The following TIPARP variants were observed in gnomAD, a reference collection of about 807,000 sequenced individuals.
The protein encoded by TIPARP is TCDD inducible poly(ADP-ribose) polymerase, also known as protein mono-ADP-ribosyltransferase TIPARP.
TIPARP carries 12 observed loss-of-function variants against 56.5 expected under a neutral mutation model. The ratio of observed to expected loss-of-function variants is 0.21; its 90% CI spans 0.14 to 0.34. The LOEUF is 0.34. Among genes scored for constraint, TIPARP ranks in the 10% least tolerant of loss-of-function variants. The probability of loss-of-function intolerance (pLI) is 1.00; values close to 1 mark genes in which losing one functional copy is unlikely to be tolerated. For synonymous variants in TIPARP, 296 were observed against 265.7 expected (o/e 1.11, Z -1.11); for missense variants, 604 against 781.6 (o/e 0.77, Z 2.71).
At chr3:156,696,273 T>C (rs1722713156) in intron 4 of TIPARP, among the ~76,000 whole-genome samples, 1 of 152,112 alleles carries the variant, frequency 6.6e-6, no homozygotes, top group South Asian at 2.1e-4. Flanking sequence ...CACAACTAAA[T>C]ATAATTGTGT....
At chr3:156,691,527 A>G (rs532655217) in intron 2 of TIPARP, among the ~76,000 whole-genome samples, 9 of 152,260 alleles carry the variant, frequency 5.9e-5, no homozygotes. Context: ...GCCCACCATC[A>G]CGATTATCAT....
intron 1 of TIPARP, chr3:156,676,568 G>T (rs1445363356): frequency 6.6e-6 from 1 of 152,144 alleles, no homozygotes; most frequent in East Asian, 1.9e-4. Context: ...GCACTTTATT[G>T]GGCACCTAGG....
Position 156,677,912 on chromosome 3 carries a change from T to C in TIPARP, c.215T>C (p.Val72Ala), listed in dbSNP as rs373659607. 4 of 1,613,770 alleles carry C rather than the reference T, an allele frequency of 2.5e-6. No individual in the cohort carries two copies. Among genetic ancestry groups the C allele is most frequent in the Non-Finnish European group, 3.4e-6 (4 of 1,179,986 alleles). Residue 72 changes from valine (V) to alanine (A), a missense_variant, in exon 2 of 6, where the codon GTT (valine) becomes GCT (alanine). By Grantham distance (64) the Val-to-Ala change is moderately conservative. Transcript: ENST00000295924. ...TLLESGSLDGVFRSRNQSTDE... is the reference protein window; with the variant it reads ...TLLESGSLDGAFRSRNQSTDE... ...CTAGAATCTGGCTCACTTGATGGGG[T>C]TTTTAGATCTAGGAACCAGAGTACA... is the stretch of plus-strand genomic sequence containing the variant.
intron 2 of TIPARP, among the ~76,000 whole-genome samples, chr3:156,680,091 A>G (rs1250330982): frequency 6.6e-6 from 1 of 152,166 alleles, no homozygotes; most frequent in African/African-American, 2.4e-5. Context: ...CTTGTGTTTC[A>G]AAAGGGAAGT....
intron 2 of TIPARP, among the ~76,000 whole-genome samples, chr3:156,688,488 C>G (rs868706093): frequency 6.7e-6 from 1 of 149,020 alleles, no homozygotes; most frequent in Non-Finnish European, 1.5e-5. Flanking sequence ...TGCCGCCCCC[C>G]CCCGCAATAA....
intron 2 of TIPARP, among the ~76,000 whole-genome samples, chr3:156,683,868 T>C (rs1304272010): frequency 1.3e-5 from 2 of 152,320 alleles, no homozygotes; most frequent in East Asian, 1.9e-4. Flanking sequence ...ATGACTTTTT[T>C]CCCATGGTCT....
chr3:156,698,737 A>G (rs1722778693), intron 4 of TIPARP, among the ~76,000 whole-genome samples: 1 of 152,234 alleles, frequency 6.6e-6, no homozygotes, highest in Non-Finnish European at 1.5e-5. Flanking sequence ...CTTATCAAGT[A>G]GTCATTCTGA....
chr3:156,700,468 T>C (rs1478074360), intron 4 of TIPARP, among the ~76,000 whole-genome samples: 1 of 152,164 alleles, frequency 6.6e-6, no homozygotes, highest in Non-Finnish European at 1.5e-5. Context: ...GAGGCCACAA[T>C]TCTCAGGGAA....
At chr3:156,679,823 T>C (rs1722245064) in intron 2 of TIPARP, among the ~76,000 whole-genome samples, 1 of 152,224 alleles carries the variant, frequency 6.6e-6, no homozygotes, top group African/African-American at 2.4e-5. Flanking sequence ...ATGGTTGCAG[T>C]AAACCATTTC....
At chr3:156,695,810 A>G (rs1219674189) in intron 3 of TIPARP, 55 bp from the exon 4 acceptor site, 2 of 1,492,308 alleles carry the variant, frequency 1.3e-6, no homozygotes, top group Non-Finnish European at 1.8e-6. Context: ...ATTTTTAACC[A>G]TGATTATTAA....
At chr3:156,690,713 A>G (rs1722552079) in intron 2 of TIPARP, among the ~76,000 whole-genome samples, 1 of 152,122 alleles carries the variant, frequency 6.6e-6, no homozygotes, top group Non-Finnish European at 1.5e-5. Flanking sequence ...ATACTGATGG[A>G]TTTAGCCATC....
At chr3:156,682,331 G>GT (rs1018644767) in intron 2 of TIPARP, among the ~76,000 whole-genome samples, 18 of 152,260 alleles carry the variant, frequency 1.2e-4, no homozygotes, top group Admixed American at 1.1e-3. Flanking sequence ...AGAGGACAGG[G>GT]TTTTTTTCTT....
At chr3:156,687,142 G>A (rs1013373574) in intron 2 of TIPARP, among the ~76,000 whole-genome samples, 1 of 152,158 alleles carries the variant, frequency 6.6e-6, no homozygotes, top group Non-Finnish European at 1.5e-5. Context: ...TATCCCAGCT[G>A]TTCTTACAGA....
intron 2 of TIPARP, among the ~76,000 whole-genome samples, chr3:156,681,555 C>T (rs949745493): frequency 2.0e-5 from 3 of 151,864 alleles, no homozygotes; most frequent in African/African-American, 7.3e-5. Context: ...GGATTTAATA[C>T]CTAAATCTAA....
rs1056511062 is a variant in TIPARP, at chr3:156,678,116, A to G, written c.419A>G (p.His140Arg). 2.5e-6 allele frequency: 4 copies of G among 1,614,002 alleles called. No homozygotes were observed. The African/African-American group carries it at 4.0e-5, about 16-fold the overall frequency. The change falls in exon 2 of 6, where the codon CAC becomes CGC. Residue 140 changes from histidine (H) to arginine (R), a missense_variant. Coordinates refer to ENST00000295924, the MANE Select transcript of TIPARP (RefSeq NM_015508.5). ...APERVVPIQDHSFPSETLSGT... is the reference protein window; with the variant it reads ...APERVVPIQDRSFPSETLSGT... ...GAACGAGTGGTTCCAATCCAAGATCACAGCTTTCCATCAGAAACCCTCAGT... is the reference window on the plus strand; with the variant it reads ...GAACGAGTGGTTCCAATCCAAGATCGCAGCTTTCCATCAGAAACCCTCAGT...
intron 2 of TIPARP, among the ~76,000 whole-genome samples, chr3:156,690,665 C>T (rs1283711138): frequency 1.3e-5 from 2 of 152,080 alleles, no homozygotes; most frequent in African/African-American, 4.8e-5. Context: ...GTTTTGTTTT[C>T]TTCTGGTTCA....
intron 4 of TIPARP, among the ~76,000 whole-genome samples, chr3:156,698,599 C>G (rs1177700832): frequency 6.6e-6 from 1 of 151,994 alleles, no homozygotes; most frequent in Non-Finnish European, 1.5e-5. Flanking sequence ...GAGACCTGCT[C>G]AAGAAAAAAA....
intron 2 of TIPARP, among the ~76,000 whole-genome samples, chr3:156,690,804 G>A (rs898450500): frequency 6.6e-6 from 1 of 152,102 alleles, no homozygotes; most frequent in South Asian, 2.1e-4. Flanking sequence ...CAGTAGAGAT[G>A]CCTTTAGACC....
intron 2 of TIPARP, among the ~76,000 whole-genome samples, chr3:156,684,935 CTTG>C (rs921946387): frequency 6.6e-6 from 1 of 152,150 alleles, no homozygotes; most frequent in Non-Finnish European, 1.5e-5. Context: ...GATTAATTCA[CTTG>C]TTAATAGTGA....
Sources: allele counts gnomAD v4.1 joint callset (sites outside exome capture counted in the v4.1 genomes callset), GRCh38; gene constraint gnomAD v4.1.1; transcripts MANE v1.5; gene names NCBI Gene and HGNC (gene_info 2026-07-23, HGNC 2026-07-21).